STPG2: variants seen among roughly 807,000 people sequenced by gnomAD.
STPG2 encodes the protein sperm tail PG-rich repeat containing 2, also known as sperm-tail PG-rich repeat-containing protein 2.
A neutral mutation model predicts 54.2 loss-of-function variants in STPG2; 56 were observed. The ratio of observed to expected loss-of-function variants is 1.03; its 90% CI spans 0.83 to 1.29. STPG2 has a LOEUF of 1.29. STPG2 is among the 50% of genes most tolerant of loss of function. STPG2 has a pLI of 0.00. For missense variants in STPG2, 596 were observed against 544.9 expected, an observed-to-expected ratio of 1.09 and a Z score of -0.93; for synonymous variants, 200 against 181.8, an observed-to-expected ratio of 1.10 and a Z score of -0.81.
At chr4:97,902,837 C>G (rs565291344) in intron 8 of STPG2, among the ~76,000 whole-genome samples, 1 of 152,076 alleles carries the variant, frequency 6.6e-6, no homozygotes, top group African/African-American at 2.4e-5. Flanking sequence ...GAAGAGATAT[C>G]AGTACTTCCA....
chr4:97,531,080 T>G (rs1731403556), intron 4 of STPG2, among the ~76,000 whole-genome samples: 1 of 152,114 alleles, frequency 6.6e-6, no homozygotes, highest in South Asian at 2.1e-4. Flanking sequence ...GACAAGCAAA[T>G]GGCAAGCAGG....
chr4:97,759,440 C>T (rs966456205), intron 9 of STPG2, among the ~76,000 whole-genome samples: 5 of 151,582 alleles, frequency 3.3e-5, no homozygotes, highest in Admixed American at 3.3e-4. Flanking sequence ...ATGTTTTAAC[C>T]AATTTAATAG....
intron 10 of STPG2, among the ~76,000 whole-genome samples, chr4:97,595,914 A>C (rs1398560485): frequency 6.6e-6 from 1 of 152,242 alleles, no homozygotes; most frequent in African/African-American, 2.4e-5. Flanking sequence ...ATTCACATAC[A>C]TCAATATTAA....
At chr4:97,952,573 A>G (rs1733513322) in intron 7 of STPG2, among the ~76,000 whole-genome samples, 2 of 152,112 alleles carry the variant, frequency 1.3e-5, no homozygotes, top group African/African-American at 4.8e-5. Flanking sequence ...TGGAGTTGCC[A>G]CACTCCAGGT....
At chr4:98,055,099 A>C (rs1376808230) in intron 5 of STPG2, among the ~76,000 whole-genome samples, 1 of 152,158 alleles carries the variant, frequency 6.6e-6, no homozygotes, top group Non-Finnish European at 1.5e-5. Flanking sequence ...AGAGGACTAG[A>C]TCATGAAGAC....
chr4:98,019,476 C>T (rs1026384889), intron 5 of STPG2, among the ~76,000 whole-genome samples: 9 of 151,998 alleles, frequency 5.9e-5, no homozygotes, highest in African/African-American at 2.2e-4. Context: ...ATTCTTTTGG[C>T]TTAGGATTGA....
At chr4:97,583,792 C>T (rs555329529) in intron 10 of STPG2, among the ~76,000 whole-genome samples, 1 of 151,800 alleles carries the variant, frequency 6.6e-6, no homozygotes, top group African/African-American at 2.4e-5. Flanking sequence ...AAACATCATA[C>T]AATGATAAAA....
intron 3 of STPG2, among the ~76,000 whole-genome samples, chr4:98,118,402 T>C (rs1185563386): frequency 6.6e-6 from 1 of 152,126 alleles, no homozygotes; most frequent in Non-Finnish European, 1.5e-5. Context: ...CAATGTACTA[T>C]GGGATTAAGC....
intron 3 of STPG2, among the ~76,000 whole-genome samples, chr4:98,123,278 G>A (rs1739735867): frequency 6.6e-6 from 1 of 152,106 alleles, no homozygotes; most frequent in Non-Finnish European, 1.5e-5. Context: ...TAGTTGTAAT[G>A]TTAGAGTGTA....
At chr4:97,991,389 G>A (rs1035613668) in intron 5 of STPG2, among the ~76,000 whole-genome samples, 1 of 148,976 alleles carries the variant, frequency 6.7e-6, no homozygotes, top group African/African-American at 2.5e-5. Flanking sequence ...ATATATATGT[G>A]TATATATATG....
chr4:97,545,274 G>T (rs1410029160), intron 4 of STPG2, among the ~76,000 whole-genome samples: 2 of 152,072 alleles, frequency 1.3e-5, no homozygotes, highest in African/African-American at 4.8e-5. Context: ...AACACAAAGT[G>T]ATTTTCTATG....
intron 4 of STPG2, chr4:97,441,406 C>T (rs1170978107): frequency 6.6e-6 from 1 of 151,874 alleles, no homozygotes; most frequent in East Asian, 1.9e-4. Context: ...TTTTTTATCT[C>T]TAGATGTTAG....
At chr4:98,100,876 A>G (rs904427597) in intron 5 of STPG2, among the ~76,000 whole-genome samples, 8 of 151,784 alleles carry the variant, frequency 5.3e-5, no homozygotes, top group African/African-American at 1.9e-4. Context: ...AGGTTTCACC[A>G]TATTGGCCAG....
intron 4 of STPG2, among the ~76,000 whole-genome samples, chr4:97,540,923 T>C (rs1018487005): frequency 3.9e-5 from 6 of 152,290 alleles, no homozygotes; most frequent in Non-Finnish European, 7.3e-5. Context: ...TCAACAGCCA[T>C]TCATGCTAAA....
chr4:97,602,173 C>T (rs1360179125), intron 10 of STPG2, among the ~76,000 whole-genome samples: 1 of 151,760 alleles, frequency 6.6e-6, no homozygotes, highest in East Asian at 1.9e-4. Context: ...TTGTCAACAT[C>T]ATCTTCAAAT....
At chr4:98,120,986 T>C (rs1486936708) in intron 3 of STPG2, among the ~76,000 whole-genome samples, 1 of 152,234 alleles carries the variant, frequency 6.6e-6, no homozygotes, top group African/African-American at 2.4e-5. Context: ...TGTGCCTATG[T>C]TCTCAATGGT....
intron 4 of STPG2, among the ~76,000 whole-genome samples, chr4:97,507,351 G>A (rs1730871702): frequency 6.6e-6 from 1 of 152,036 alleles, no homozygotes; most frequent in Admixed American, 6.6e-5. Context: ...ATTCTAAATT[G>A]TATATATCTA....
intron 10 of STPG2, among the ~76,000 whole-genome samples, chr4:97,565,845 T>C (rs537715653): frequency 6.6e-6 from 1 of 151,778 alleles, no homozygotes; most frequent in Non-Finnish European, 1.5e-5. Flanking sequence ...CTGCCGCTAC[T>C]GGGGGGTGCC....
At chr4:97,873,150 T>A (rs906644107) in intron 8 of STPG2, among the ~76,000 whole-genome samples, 4 of 151,252 alleles carry the variant, frequency 2.6e-5, no homozygotes, top group Non-Finnish European at 5.9e-5. Flanking sequence ...ATCTCCAATT[T>A]CAATTTAATT....
Sources: gnomAD v4.1 joint callset for allele counts (sites outside exome capture counted in the v4.1 genomes callset) on GRCh38, gnomAD v4.1.1 for gene constraint, MANE v1.5 for transcripts, NCBI Gene and HGNC (gene_info 2026-07-23, HGNC 2026-07-21) for gene names.